Variants in GRID1 observed in about 807,000 individuals in gnomAD.
GRID1 encodes the protein glutamate receptor ionotropic, delta-1.
GRID1 carries 28 observed loss-of-function variants against 98.0 expected under a neutral mutation model. The observed-to-expected ratio is 0.29, with a 90% CI of 0.21 to 0.39. The LOEUF is 0.39. GRID1 is among the 10% of genes least tolerant of loss of function. The pLI, the probability that GRID1 is intolerant of heterozygous loss-of-function variation, is 1.00. For missense variants in GRID1, 1,111 were observed against 1,340.5 expected (o/e 0.83, Z 2.67); for synonymous variants, 553 against 538.5 (o/e 1.03, Z -0.37).
chr10:86,301,633 A>G (rs1236266781), intron 2 of GRID1, among the ~76,000 whole-genome samples: 18 of 151,988 alleles, frequency 1.2e-4, no homozygotes, highest in Admixed American at 1.2e-3. Flanking sequence ...GGGAGCAGGG[A>G]CCCCCAAGGC....
chr10:86,007,401 C>T (rs1229772571), intron 4 of GRID1, among the ~76,000 whole-genome samples: 4 of 152,056 alleles, frequency 2.6e-5, no homozygotes, highest in African/African-American at 4.8e-5. Flanking sequence ...CCGCTCCGCA[C>T]CCCCCCACCT....
At chr10:86,047,790 G>A (rs950504685) in intron 4 of GRID1, among the ~76,000 whole-genome samples, 2 of 152,140 alleles carry the variant, frequency 1.3e-5, no homozygotes, top group Non-Finnish European at 2.9e-5. Flanking sequence ...GAAATTACGT[G>A]TCTAATTAGA....
chr10:86,013,940 C>T (rs1215639044), intron 4 of GRID1, among the ~76,000 whole-genome samples: 1 of 152,124 alleles, frequency 6.6e-6, no homozygotes, highest in Non-Finnish European at 1.5e-5. Context: ...AGATGCTGTC[C>T]CCTGCATCCC....
At chr10:85,862,457 A>G (rs1843172182) in intron 6 of GRID1, among the ~76,000 whole-genome samples, 1 of 152,124 alleles carries the variant, frequency 6.6e-6, no homozygotes. Flanking sequence ...AGAATTGGCC[A>G]TCTCCCACCA....
At chr10:85,733,856 G>A (rs1270258105) in intron 8 of GRID1, among the ~76,000 whole-genome samples, 5 of 152,062 alleles carry the variant, frequency 3.3e-5, no homozygotes, top group Non-Finnish European at 7.4e-5. Flanking sequence ...AATGTGATAC[G>A]TGGATATATG....
chr10:86,093,231 C>T (rs148070139), intron 4 of GRID1, among the ~76,000 whole-genome samples: 2,073 of 152,108 alleles, frequency 0.014, 55 homozygotes, highest in African/African-American at 0.048. Context: ...ACAGCAAAGG[C>T]GGTGCTAAGA....
chr10:85,900,296 A>G (rs1841362803), intron 5 of GRID1, among the ~76,000 whole-genome samples: 1 of 152,194 alleles, frequency 6.6e-6, no homozygotes. Flanking sequence ...ATGATTATCC[A>G]GACTGGCGAA....
At chr10:85,857,335 A>T (rs1843121452) in intron 6 of GRID1, among the ~76,000 whole-genome samples, 2 of 152,074 alleles carry the variant, frequency 1.3e-5, no homozygotes, top group Non-Finnish European at 2.9e-5. Flanking sequence ...TTGGGGCCCA[A>T]CCCATGTGTG....
rs74605565 is a variant in GRID1 at position 85,993,991 on chromosome 10, C to A, written c.727-77752G>T. Among the ~76,000 whole-genome samples the A allele has an allele frequency of 2.6e-4, 39 of 152,194 alleles. No individual in the cohort carries two copies. The East Asian group carries it at 6.6e-3, about 26-fold the overall frequency. ...AACCAGTTTAAATATGGAGCAGGTGCCCCTTCCACGGAGATGGACATTGCA... is the reference window on the plus strand; with the variant it reads ...AACCAGTTTAAATATGGAGCAGGTGACCCTTCCACGGAGATGGACATTGCA... On this transcript the variant is annotated intron_variant, in intron 4 of 15. Transcript: ENST00000327946.
chr10:86,041,185 A>C (rs1843340412), intron 4 of GRID1, among the ~76,000 whole-genome samples: 2 of 152,206 alleles, frequency 1.3e-5, no homozygotes, highest in South Asian at 4.1e-4. Context: ...TCCTTGGTCC[A>C]GCCATTATTA....
At chr10:86,270,130 G>C (rs1293369705) in intron 2 of GRID1, among the ~76,000 whole-genome samples, 2 of 152,138 alleles carry the variant, frequency 1.3e-5, no homozygotes, top group Admixed American at 1.3e-4. Context: ...CATCTGCTTT[G>C]TCTGAGCAGC....
intron 4 of GRID1, among the ~76,000 whole-genome samples, chr10:86,022,792 C>T (rs1843066844): frequency 6.6e-6 from 1 of 151,940 alleles, no homozygotes; most frequent in African/African-American, 2.4e-5. Flanking sequence ...GTGGCAGGCG[C>T]CTGTAAGCCC....
intron 2 of GRID1, among the ~76,000 whole-genome samples, chr10:86,208,413 C>A (rs373008627): frequency 3.7e-4 from 56 of 152,206 alleles, no homozygotes; most frequent in African/African-American, 1.3e-3. Context: ...GCTGTGCCCC[C>A]CAAGAGCCTA....
chr10:85,771,926 T>C (rs1050232074), intron 8 of GRID1, among the ~76,000 whole-genome samples: 7 of 151,996 alleles, frequency 4.6e-5, no homozygotes, highest in African/African-American at 1.7e-4. Flanking sequence ...GACAGAAAGT[T>C]AACAAGGATA....
chr10:85,724,481 C>T lies in GRID1; in HGVS notation c.1729G>A (p.Gly577Ser), dbSNP rs1841739307. ...ACIAAAIPVV[G>S]VLIFVLNRIQ... is the part of the protein sequence containing the mutation. ...CTGTTCAACACAAATATCAGCACAC[C>T]AACCACAGGGATGGCTGCTGCAATG... The change falls in exon 11 of 16, where the codon GGT becomes AGT. Residue 577 changes from glycine to serine, a missense_variant. Coordinates refer to ENST00000327946, the MANE Select transcript of GRID1 (RefSeq NM_017551.3). 2 of 1,614,162 alleles carry T rather than the reference C, an allele frequency of 1.2e-6. No individual in the cohort carries two copies. The highest frequency in any genetic ancestry group is 1.7e-6 in the Non-Finnish European group (2 of 1,180,014).
intron 4 of GRID1, among the ~76,000 whole-genome samples, chr10:86,072,663 T>G (rs7095744): frequency 0.91 from 138,492 of 152,028 alleles, 63,234 homozygotes; most frequent in East Asian, 1. Flanking sequence ...GATTAGCACA[T>G]TGAACATCTC....
chr10:85,621,763 G>T lies in GRID1; in HGVS notation c.2194-1730C>A, dbSNP rs144221008. ...ATTACACACATCTCTCTCCTTCCTT[G>T]TAGGAAGATAACAATCCTATAAATT... On this transcript the variant is annotated intron_variant, in intron 13 of 15. Transcript: ENST00000327946. 5.4e-4 allele frequency among the ~76,000 whole-genome samples: 82 copies of T among 152,242 alleles called. 1 individual carries two copies. Among genetic ancestry groups the T allele is most frequent in the Admixed American group, 8.5e-4 (13 of 15,288 alleles).
intron 4 of GRID1, among the ~76,000 whole-genome samples, chr10:86,080,346 G>C (rs1843948824): frequency 6.9e-6 from 1 of 145,382 alleles, no homozygotes; most frequent in Non-Finnish European, 1.5e-5. Flanking sequence ...AAATAAAAGA[G>C]AGAGAGAGAC....
At chr10:86,038,857 G>A (rs1843306979) in intron 4 of GRID1, among the ~76,000 whole-genome samples, 1 of 152,164 alleles carries the variant, frequency 6.6e-6, no homozygotes, top group Non-Finnish European at 1.5e-5. Flanking sequence ...TGAAGTAGGG[G>A]AGTCATCTCA....
Sources: allele counts gnomAD v4.1 joint callset (sites outside exome capture counted in the v4.1 genomes callset), GRCh38; gene constraint gnomAD v4.1.1; transcripts MANE v1.5; gene names NCBI Gene and HGNC (gene_info 2026-07-23, HGNC 2026-07-21).